The following RERGL variants were observed in gnomAD, a reference collection of about 807,000 sequenced individuals.
RERGL encodes the protein ras-related and estrogen-regulated growth inhibitor-like protein.
A neutral mutation model predicts 24.7 loss-of-function variants in RERGL; 22 were observed. The observed-to-expected ratio is 0.89, with a 90% confidence interval of 0.64 to 1.27. The LOEUF is 1.27. Among genes scored for constraint, RERGL ranks in the 50% most tolerant of loss-of-function variants. The pLI, the probability that RERGL is intolerant of heterozygous loss-of-function variation, is 0.00. For missense variants in RERGL, 259 were observed against 235.3 expected (o/e 1.10, Z -0.66); for synonymous variants, 76 against 82.6 (o/e 0.92, Z 0.43).
rs529778796 is a variant in RERGL at position 18,082,143 on chromosome 12, CA to C, written c.333-671del. 3.3e-3 allele frequency among the ~76,000 whole-genome samples: 395 copies of C among 120,962 alleles called. 1 individual carries two copies. Among genetic ancestry groups the C allele is most frequent in the Middle Eastern group, 4.6e-3 (1 of 216 alleles). 79.4% of individuals were successfully genotyped at this position (120,962 alleles called of 152,430 possible). On this transcript the variant is annotated intron_variant, in intron 4 of 4. Transcript: ENST00000538724. ...TAACAGAGCAAGACTTTGTCTCAAC[CA>C]AAAAAAAAAAAAAAAGAATGAGAGC...
Position 18,082,249 on chromosome 12 carries a change from G to C in RERGL, c.333-776C>G, listed in dbSNP as rs892476603. Among the ~76,000 whole-genome samples the C allele has an allele frequency of 2.6e-5, 4 of 151,898 alleles. No homozygotes were observed. The East Asian group carries it at 7.7e-4, about 29-fold the overall frequency. ...ATGCAAGAACAGAAAACCAAATACT[G>C]CATGTTCTCACTCATAAGTGAGACC... On this transcript the variant is annotated intron_variant, in intron 4 of 4. Transcript: ENST00000538724.
intron 4 of RERGL, among the ~76,000 whole-genome samples, chr12:18,082,949 C>G (rs1414723160): frequency 6.6e-6 from 1 of 151,978 alleles, no homozygotes; most frequent in African/African-American, 2.4e-5. Context: ...ATTAAAATCA[C>G]TAGGCTTTAA....
intron 2 of RERGL, among the ~76,000 whole-genome samples, chr12:18,088,214 G>A (rs1947238064): frequency 6.6e-6 from 1 of 151,702 alleles, no homozygotes; most frequent in African/African-American, 2.4e-5. Flanking sequence ...TTCTTCAATT[G>A]GGTAAGATAT....
Position 18,084,514 on chromosome 12 carries a change from T to C in RERGL, c.332+3A>G. The C allele has an allele frequency of 6.3e-7, 1 of 1,599,812 alleles. No individual in the cohort carries two copies. Among genetic ancestry groups the C allele is most frequent in the Non-Finnish European group, 8.5e-7 (1 of 1,175,834 alleles). ...AAGGAGAAAGGAATGAAAAATACCT[T>C]ACCTTTTACAATGACTAGTTTGTGG... is the stretch of plus-strand genomic sequence containing the variant. On this transcript the variant is annotated splice_donor_region_variant and intron_variant, in intron 4 of 4. Transcript: ENST00000538724.
chr12:18,081,561 GA>G, intron 4 of RERGL, 88 bp from the exon 5 acceptor site: 3 of 1,245,600 alleles, frequency 2.4e-6, no homozygotes, highest in South Asian at 1.7e-5. Flanking sequence ...ATAACCAAAG[GA>G]TTATAAATCA....
At chr12:18,089,425 A>G (rs1947249745) in intron 1 of RERGL, 2 of 1,296,124 alleles carry the variant, frequency 1.5e-6, no homozygotes. Context: ...TCTGGTATCC[A>G]TTCATCATGT....
rs1378799822 is a variant in RERGL at position 18,090,080 on chromosome 12, A to G, written c.52+9T>C. ...ACTCTATGATAACAGAGAAGATGTC[A>G]CCACTCACCAGATTTGCCTGTTCCT... is the stretch of plus-strand genomic sequence containing the variant. On this transcript the variant is annotated intron_variant, in intron 1 of 4. Transcript: ENST00000538724. The G allele has an allele frequency of 2.0e-6, 3 of 1,530,454 alleles. No homozygotes were observed. The highest frequency in any genetic ancestry group is 2.6e-6 in the Non-Finnish European group (3 of 1,144,100). The allele number at this position is 1,530,454 out of a possible 1,614,324, so 94.8% of individuals were successfully genotyped here.
At chr12:18,084,714 T>A (rs766994299) in intron 3 of RERGL, 49 bp from the exon 4 acceptor site, 1 of 1,533,918 alleles carries the variant, frequency 6.5e-7, no homozygotes, top group Non-Finnish European at 8.8e-7. Context: ...AATACCTGTG[T>A]TTTTATACTT....
intron 2 of RERGL, among the ~76,000 whole-genome samples, chr12:18,088,007 T>G (rs2136833866): frequency 6.6e-6 from 1 of 152,264 alleles, no homozygotes; most frequent in South Asian, 2.1e-4. Context: ...TCTGAGATAC[T>G]CCAATTATGC....
rs1947245718 is a variant in RERGL at position 18,089,023 on chromosome 12, A to G, written c.53-67T>C. On this transcript the variant is annotated intron_variant, in intron 1 of 4. Transcript: ENST00000538724. ...GGAAACAGCTAATTTGGTTATGTGC[A>G]TAAGGCTTTAGTTCTTAAACCAAAA... 3.0e-6 allele frequency: 4 copies of G among 1,342,874 alleles called. No individual in the cohort carries two copies. In the Admixed American group the frequency reaches 5.7e-5, roughly 19 times the overall value. The allele number at this position is 1,342,874 out of a possible 1,614,324, so 83.2% of individuals were successfully genotyped here.
chr12:18,085,584 A>T, intron 3 of RERGL, 36 bp downstream of exon 3: 1 of 1,297,214 alleles, frequency 7.7e-7, no homozygotes. Flanking sequence ...TCAATCAATA[A>T]ATAAATCAAT....
chr12:18,085,849 T>G (rs1273091032), intron 2 of RERGL, among the ~76,000 whole-genome samples, 156 bp from the exon 3 acceptor site: 1 of 43,498 alleles, frequency 2.3e-5, no homozygotes, highest in Non-Finnish European at 4.9e-5. Flanking sequence ...GATATGTTTC[T>G]TTTTTTTTTT....
intron 2 of RERGL, among the ~76,000 whole-genome samples, chr12:18,087,917 T>C (rs1193739935): frequency 6.6e-6 from 1 of 152,148 alleles, no homozygotes; most frequent in Non-Finnish European, 1.5e-5. Flanking sequence ...TGCCCTAAAA[T>C]GTTCATAATG....
Position 18,081,374 on chromosome 12 carries a change from G to T in RERGL, c.432C>A (p.Asn144Lys). Residue 144 changes from asparagine (N) to lysine (K), a missense_variant, in exon 5 of 5, where the codon AAC becomes AAA. By Grantham distance (94) the Asn-to-Lys change is moderately conservative (BLOSUM62 0). Coordinates refer to ENST00000538724, the MANE Select transcript of RERGL (RefSeq NM_001286201.2). ...CAGACAGTTCACAGAATTGGCATCG[G>T]TTTTCCAGTGCCAGCTTTTGCCCTT... ...WEEGQKLALE[N>K]RCQFCELSAA... 2.5e-6 allele frequency: 4 copies of T among 1,614,094 alleles called. No homozygotes were observed. The highest frequency in any genetic ancestry group is 3.4e-6 in the Non-Finnish European group (4 of 1,180,002).
At chr12:18,089,751 C>G (rs1037372595) in intron 1 of RERGL, among the ~76,000 whole-genome samples, 1 of 152,146 alleles carries the variant, frequency 6.6e-6, no homozygotes, top group Middle Eastern at 3.4e-3. Flanking sequence ...GGGTATAAGG[C>G]AAGTGTGTTG....
intron 4 of RERGL, among the ~76,000 whole-genome samples, chr12:18,083,637 A>C (rs532991097): frequency 6.6e-6 from 1 of 152,144 alleles, no homozygotes; most frequent in East Asian, 1.9e-4. Flanking sequence ...ACATCATCTA[A>C]CTCCAGGGAA....
chr12:18,083,857 G>A (rs193195833), intron 4 of RERGL, among the ~76,000 whole-genome samples: 2 of 152,164 alleles, frequency 1.3e-5, no homozygotes, highest in Admixed American at 1.3e-4. Flanking sequence ...ACTTTCAATG[G>A]AAAAGGCCAA....
chr12:18,081,020 A>G lies in RERGL; in HGVS notation c.*171T>C, dbSNP rs1256109107. 1 of 601,064 alleles carries G rather than the reference A, an allele frequency of 1.7e-6. No individual in the cohort carries two copies. The allele number at this position is 601,064 out of a possible 1,614,324, so 37.2% of individuals were successfully genotyped here. A position where few individuals can be genotyped will look rare whatever the true frequency, so the allele number is the denominator to read the frequency against. On this transcript the variant is annotated 3_prime_UTR_variant, in exon 5 of 5. Transcript: ENST00000538724. ...GGAGAGTGAGCAGGGTACAACAACC[A>G]AAAAGGCAAACTACATATTTGAAAA...
rs1947202687 is a variant in RERGL, at chr12:18,084,638, T to C, written c.211A>G (p.Ser71Gly). Residue 71 changes from serine (S) to glycine (G), a missense_variant, in exon 4 of 5, where the codon AGT becomes GGT. By Grantham distance (56) the Ser-to-Gly change is moderately conservative. Transcript: ENST00000538724. ...AACCCATCTGCCCAGTGAAGCTCAC[T>C]TGTGAGGGAGAATTTTGCTTTCTGT... ...QTQKAKFSLT[S>G]ELHWADGFVI... The C allele has an allele frequency of 1.2e-6, 2 of 1,610,312 alleles. No homozygotes were observed. Among genetic ancestry groups the C allele is most frequent in the Non-Finnish European group, 1.7e-6 (2 of 1,178,798 alleles).
Sources: gnomAD v4.1 joint callset for allele counts (sites outside exome capture counted in the v4.1 genomes callset) on GRCh38, gnomAD v4.1.1 for gene constraint, MANE v1.5 for transcripts, NCBI Gene and HGNC (gene_info 2026-07-23, HGNC 2026-07-21) for gene names.